Variants in TENM2 observed in about 807,000 individuals in gnomAD.
The protein encoded by TENM2 is teneurin transmembrane protein 2, also known as teneurin-2.
A neutral mutation model predicts 245.2 loss-of-function variants in TENM2; 52 were observed. The observed-to-expected ratio is 0.21, with a 90% confidence interval of 0.17 to 0.27. The LOEUF (loss-of-function observed/expected upper bound fraction) is 0.27, where lower values mean the gene tolerates loss of function less well. Among genes scored for constraint, TENM2 ranks in the 10% least tolerant of loss-of-function variants. The pLI, the probability that TENM2 is intolerant of heterozygous loss-of-function variation, is 1.00. For missense variants in TENM2, 3,046 were observed against 3,666.8 expected (o/e 0.83, Z 4.37); for synonymous variants, 1,363 against 1,438.9 (o/e 0.95, Z 1.19).
At chr5:168,118,601 T>G in intron 10 of TENM2, 115 bp downstream of exon 12, 1 of 801,284 alleles carries the variant, frequency 1.2e-6, no homozygotes, top group Non-Finnish European at 1.8e-6. Context: ...GTTTCAACAT[T>G]TTGCACAAAA....
the TENM2 span, among the ~76,000 whole-genome samples, chr5:167,220,404 G>C: frequency 1.3e-5 from 2 of 152,170 alleles, no homozygotes; most frequent in Non-Finnish European, 2.9e-5. Context: ...CCACAATACA[G>C]TAGACGATGT....
the TENM2 span, among the ~76,000 whole-genome samples, chr5:166,991,439 C>G: frequency 6.6e-6 from 1 of 151,580 alleles, no homozygotes; most frequent in Non-Finnish European, 1.5e-5. Flanking sequence ...TTGCAGTTAT[C>G]CTTGTTTCAG....
intron 2 of TENM2, among the ~76,000 whole-genome samples, chr5:167,751,320 C>T (rs1463665905): frequency 6.6e-6 from 1 of 152,044 alleles, no homozygotes; most frequent in Non-Finnish European, 1.5e-5. Flanking sequence ...ATTTTGCCTG[C>T]CATGTGAATA....
intron 1 of TENM2, among the ~76,000 whole-genome samples, chr5:167,293,983 T>TGC: frequency 6.6e-6 from 1 of 151,582 alleles, no homozygotes; most frequent in East Asian, 1.9e-4. Flanking sequence ...GTTCTGTGTG[T>TGC]GTGTGTGTGT....
chr5:168,175,841 G>A (rs1417451952), intron 13 of TENM2, among the ~76,000 whole-genome samples: 1 of 152,186 alleles, frequency 6.6e-6, no homozygotes. Flanking sequence ...CAGAAAGCTT[G>A]TGGCTCAGGG....
At chr5:168,137,985 AAT>A (rs1047441633) in intron 12 of TENM2, among the ~76,000 whole-genome samples, 51 of 152,278 alleles carry the variant, frequency 3.3e-4, no homozygotes, top group African/African-American at 1.2e-3. Context: ...TAAAATGCAT[AAT>A]ACACAACAAA....
rs117620292 is a variant in TENM2, at chr5:167,797,998, C to T, written c.503-77988C>T. Among the ~76,000 whole-genome samples the T allele has an allele frequency of 1.3e-3, 202 of 152,354 alleles. 2 individuals carry two copies. In the East Asian group the frequency reaches 0.027, roughly 20 times the overall value. On this transcript the variant is annotated intron_variant, in intron 2 of 28. Coordinates refer to ENST00000518659, the Ensembl canonical transcript of TENM2. ...ACCATTTTGGTAATATGGATAATAA[C>T]AAGAAATTTTAGTAAGTGATTATTA...
chr5:167,926,362 T>G (rs576296926), intron 3 of TENM2, among the ~76,000 whole-genome samples: 2 of 152,248 alleles, frequency 1.3e-5, no homozygotes, highest in African/African-American at 4.8e-5. Context: ...ATATGTAAAC[T>G]TCCCCTTAGT....
intron 5 of TENM2, among the ~76,000 whole-genome samples, chr5:168,003,713 C>G (rs930863811): frequency 6.6e-6 from 1 of 152,246 alleles, no homozygotes; most frequent in South Asian, 2.1e-4. Context: ...AACTTTTGGT[C>G]CCCTCATGAA....
chr5:167,924,958 A>T (rs248143), intron 3 of TENM2, among the ~76,000 whole-genome samples: 1 of 152,096 alleles, frequency 6.6e-6, no homozygotes, highest in Non-Finnish European at 1.5e-5. Flanking sequence ...TGGTACAACC[A>T]TTTTGGAAAA....
intron 3 of TENM2, among the ~76,000 whole-genome samples, chr5:167,898,810 A>G (rs1047831643): frequency 1.3e-5 from 2 of 152,182 alleles, no homozygotes; most frequent in Non-Finnish European, 2.9e-5. Context: ...GATAGCTTTG[A>G]GTTCTTGAGC....
chr5:167,053,891 A>AT, the TENM2 span, among the ~76,000 whole-genome samples: 1 of 152,068 alleles, frequency 6.6e-6, no homozygotes, highest in Non-Finnish European at 1.5e-5. Flanking sequence ...AACAAGCTTG[A>AT]TTTTTTAGAA....
At chr5:167,674,705 A>G (rs1275261554) in intron 2 of TENM2, among the ~76,000 whole-genome samples, 1 of 152,112 alleles carries the variant, frequency 6.6e-6, no homozygotes, top group African/African-American at 2.4e-5. Flanking sequence ...ATAAAGATTT[A>G]AAGTACTTAG....
chr5:167,247,652 G>C, the TENM2 span, among the ~76,000 whole-genome samples: 1 of 152,052 alleles, frequency 6.6e-6, no homozygotes, highest in Non-Finnish European at 1.5e-5. Flanking sequence ...TTATCTTCTA[G>C]TTAAAAAGAA....
chr5:167,509,260 C>T (rs78738077), intron 2 of TENM2, among the ~76,000 whole-genome samples: 3 of 152,234 alleles, frequency 2.0e-5, no homozygotes, highest in Non-Finnish European at 4.4e-5. Flanking sequence ...ATTGTCCTTA[C>T]ATTAAATATA....
At chr5:167,110,576 A>G in the TENM2 span, among the ~76,000 whole-genome samples, 1 of 152,230 alleles carries the variant, frequency 6.6e-6, no homozygotes, top group Non-Finnish European at 1.5e-5. Flanking sequence ...TTCCTAGAAT[A>G]TACAGTTAAT....
intron 3 of TENM2, among the ~76,000 whole-genome samples, chr5:167,940,530 C>A (rs1363377323): frequency 6.6e-6 from 1 of 152,122 alleles, no homozygotes; most frequent in Non-Finnish European, 1.5e-5. Context: ...CTGAGACCTG[C>A]AGACATGGAA....
chr5:167,597,368 T>A (rs1013635441), intron 2 of TENM2, among the ~76,000 whole-genome samples: 2 of 152,236 alleles, frequency 1.3e-5, no homozygotes, highest in South Asian at 4.1e-4. Flanking sequence ...GGTTTCACCA[T>A]GTTGGCCAGG....
At chr5:167,284,415 T>A (rs986384147), upstream of TENM2, among the ~76,000 whole-genome samples, 2 of 152,204 alleles carry the variant, frequency 1.3e-5, no homozygotes, top group Non-Finnish European at 2.9e-5. Context: ...AGAATGTAAT[T>A]AAAGAAGGAT....
Sources: gnomAD v4.1 joint callset for allele counts (sites outside exome capture counted in the v4.1 genomes callset) on GRCh38, gnomAD v4.1.1 for gene constraint, MANE v1.5 for transcripts, NCBI Gene and HGNC (gene_info 2026-07-23, HGNC 2026-07-21) for gene names.